Variants in PCDH9 observed in about 807,000 individuals in gnomAD.
PCDH9 encodes the protein protocadherin-9.
In PCDH9, 24 loss-of-function variants were observed where a neutral mutation model predicts 70.6. The observed-to-expected ratio is 0.34, with a 90% CI of 0.25 to 0.48. The LOEUF is 0.48. PCDH9 is among the 20% of genes least tolerant of loss of function. The probability of loss-of-function intolerance (pLI) is 0.99; values close to 1 mark genes in which losing one functional copy is unlikely to be tolerated. For missense variants in PCDH9, 1,281 were observed against 1,503.6 expected, an observed-to-expected ratio of 0.85 and a Z score of 2.45; for synonymous variants, 562 against 558.5, an observed-to-expected ratio of 1.01 and a Z score of -0.09.
In PCDH9 at chr13:66,442,326, T is replaced by A. The variant is rs111248892; in HGVS notation, c.3341-137298A>T. ...ATGAGAGAACAGCGATGAAATCACA[T>A]ACTCTGGTCTTTCAAAGAGAAAATG... is the stretch of plus-strand genomic sequence containing the variant. On this transcript the variant is annotated intron_variant, in intron 4 of 4. Coordinates refer to ENST00000377865, the MANE Select transcript of PCDH9 (RefSeq NM_203487.3). 4.7e-3 allele frequency among the ~76,000 whole-genome samples: 711 copies of A among 152,246 alleles called. 9 individuals are homozygous for A. Among genetic ancestry groups the A allele is most frequent in the African/African-American group, 0.016 (682 of 41,554 alleles).
chr13:66,553,182 C>T (rs117906654), intron 4 of PCDH9, among the ~76,000 whole-genome samples: 1 of 151,978 alleles, frequency 6.6e-6, no homozygotes, highest in Non-Finnish European at 1.5e-5. Flanking sequence ...CATTCAATTC[C>T]AAAACAAAAA....
chr13:66,537,130 G>T (rs1327823032), intron 4 of PCDH9, among the ~76,000 whole-genome samples: 1 of 152,116 alleles, frequency 6.6e-6, no homozygotes, highest in East Asian at 1.9e-4. Flanking sequence ...TTATGGGAAT[G>T]CCAGAAGCAT....
At chr13:67,069,371 G>A (rs1291379528) in intron 2 of PCDH9, among the ~76,000 whole-genome samples, 1 of 152,078 alleles carries the variant, frequency 6.6e-6, no homozygotes, top group Non-Finnish European at 1.5e-5. Flanking sequence ...GTTGGTGTTA[G>A]GTGTTGGAGA....
intron 4 of PCDH9, among the ~76,000 whole-genome samples, chr13:66,398,055 A>G (rs563157613): frequency 6.6e-6 from 1 of 152,130 alleles, no homozygotes; most frequent in Non-Finnish European, 1.5e-5. Flanking sequence ...ATCATTTTAC[A>G]TCATAGAACA....
Position 66,728,457 on chromosome 13 carries a change from A to G in PCDH9, c.3139-97046T>C, listed in dbSNP as rs1463806534. ...GTTTACTAAAATCATAGTAGTGCTG[A>G]CCATAATTATTAGTTTTAGTGAACC... On this transcript the variant is annotated intron_variant, in intron 3 of 4. Transcript: ENST00000377865. Among the ~76,000 whole-genome samples, 4 of 152,230 alleles carry G rather than the reference A, an allele frequency of 2.6e-5. No individual in the cohort carries two copies. The East Asian group carries it at 5.8e-4, about 22-fold the overall frequency.
In PCDH9 at chr13:66,725,780, G is replaced by A. The variant is rs182543396; in HGVS notation, c.3139-94369C>T. Reference sequence around the variant, plus strand: ...TAAAGAGAATAAAGAATTCTGACACGCATTTACAAATAGAGGGGGAACAGA... The same window carrying A: ...TAAAGAGAATAAAGAATTCTGACACACATTTACAAATAGAGGGGGAACAGA... On this transcript the variant is annotated intron_variant, in intron 3 of 4. Transcript: ENST00000377865. Among the ~76,000 whole-genome samples the A allele has an allele frequency of 4.6e-5, 7 of 152,258 alleles. No homozygotes were observed. In the East Asian group the frequency reaches 5.8e-4, roughly 13 times the overall value.
At chr13:67,005,522 T>C (rs2084333262) in intron 2 of PCDH9, among the ~76,000 whole-genome samples, 1 of 152,210 alleles carries the variant, frequency 6.6e-6, no homozygotes, top group Non-Finnish European at 1.5e-5. Flanking sequence ...ACGTTAGGAA[T>C]ACCTTTCACT....
chr13:66,378,426 T>C (rs544212293), intron 4 of PCDH9, among the ~76,000 whole-genome samples: 25 of 152,284 alleles, frequency 1.6e-4, no homozygotes, highest in African/African-American at 5.5e-4. Context: ...ATGAATAATC[T>C]CTCTGTGTGT....
At chr13:66,709,305 C>T (rs1203733201) in intron 3 of PCDH9, among the ~76,000 whole-genome samples, 1 of 152,178 alleles carries the variant, frequency 6.6e-6, no homozygotes, top group Non-Finnish European at 1.5e-5. Flanking sequence ...TTTTACATTG[C>T]TATTTTAAAA....
intron 4 of PCDH9, among the ~76,000 whole-genome samples, chr13:66,468,492 C>T (rs768326730): frequency 7.9e-5 from 12 of 152,048 alleles, no homozygotes; most frequent in Non-Finnish European, 1.8e-4. Context: ...TTTTATTAAC[C>T]TACTCTCATA....
intron 3 of PCDH9, among the ~76,000 whole-genome samples, chr13:66,726,930 C>T (rs2224740): frequency 0.52 from 78,429 of 151,926 alleles, 20,322 homozygotes; most frequent in Middle Eastern, 0.57. Flanking sequence ...TGCCTTATTT[C>T]TGACAAATTC....
chr13:66,519,364 T>C (rs1228319171), intron 4 of PCDH9, among the ~76,000 whole-genome samples: 1 of 152,084 alleles, frequency 6.6e-6, no homozygotes, highest in Non-Finnish European at 1.5e-5. Flanking sequence ...ATTAATCGGG[T>C]TATGCACAAA....
At chr13:66,597,589 G>A (rs974338567) in intron 4 of PCDH9, among the ~76,000 whole-genome samples, 1 of 151,624 alleles carries the variant, frequency 6.6e-6, no homozygotes, top group Non-Finnish European at 1.5e-5. Context: ...TCAAGATGGA[G>A]TAAAGACTCA....
At chr13:66,460,015 A>C (rs1033732433) in intron 4 of PCDH9, among the ~76,000 whole-genome samples, 1 of 151,948 alleles carries the variant, frequency 6.6e-6, no homozygotes, top group African/African-American at 2.4e-5. Flanking sequence ...CAAAAACAAG[A>C]AACTAACATG....
chr13:67,182,975 C>A (rs1323930732), intron 2 of PCDH9, among the ~76,000 whole-genome samples: 1 of 152,050 alleles, frequency 6.6e-6, no homozygotes, highest in Non-Finnish European at 1.5e-5. Flanking sequence ...GGCCCTATTA[C>A]CTTAGTGCAA....
At chr13:66,438,182 C>CA (rs1957909636) in intron 4 of PCDH9, among the ~76,000 whole-genome samples, 1 of 149,480 alleles carries the variant, frequency 6.7e-6, no homozygotes, top group Admixed American at 6.7e-5. Context: ...TGCAGTAAGC[C>CA]AAGATCATGG....
chr13:66,631,539 C>G, intron 3 of PCDH9, 128 bp from the exon 4 acceptor site: 1 of 610,590 alleles, frequency 1.6e-6, no homozygotes, highest in Non-Finnish European at 2.9e-6. Flanking sequence ...AAACTAGGAA[C>G]AAAGCTAAGA....
chr13:66,851,883 T>C (rs2081320177), intron 3 of PCDH9, among the ~76,000 whole-genome samples: 1 of 152,102 alleles, frequency 6.6e-6, no homozygotes, highest in South Asian at 2.1e-4. Context: ...GGAAGTCCAA[T>C]ATCAAGGTGT....
At chr13:67,109,348 T>C (rs1426695221) in intron 2 of PCDH9, among the ~76,000 whole-genome samples, 1 of 152,208 alleles carries the variant, frequency 6.6e-6, no homozygotes, top group Non-Finnish European at 1.5e-5. Flanking sequence ...GAGATTTAGG[T>C]AATTGCGTGT....
Sources: allele counts gnomAD v4.1 joint callset (sites outside exome capture counted in the v4.1 genomes callset), GRCh38; gene constraint gnomAD v4.1.1; transcripts MANE v1.5; gene names NCBI Gene and HGNC (gene_info 2026-07-23, HGNC 2026-07-21).